The following RAB6B variants were observed in gnomAD, a reference collection of about 807,000 sequenced individuals.
RAB6B encodes RAB6B, member RAS oncogene family.
Under a neutral mutation model 31.2 loss-of-function variants are expected in RAB6B, and 7 were observed. That is an observed-to-expected ratio of 0.22 (90% confidence interval 0.13 to 0.42). The LOEUF is 0.42. Ranked by LOEUF, RAB6B falls within the 10% of genes least tolerant of loss-of-function variation. The pLI, the probability that RAB6B is intolerant of heterozygous loss-of-function variation, is 1.00. For synonymous variants in RAB6B, 105 were observed against 104.9 expected, an observed-to-expected ratio of 1.00 and a Z score of -0.01; for missense variants, 149 against 280.6, an observed-to-expected ratio of 0.53 and a Z score of 3.35.
chr3:133,892,614 G>A (rs1482571295), intron 1 of RAB6B, among the ~76,000 whole-genome samples: 1 of 152,144 alleles, frequency 6.6e-6, no homozygotes, highest in Non-Finnish European at 1.5e-5. Context: ...ATAAGATAAA[G>A]CCACATCCCT....
chr3:133,864,274 C>T (rs1936205105), intron 2 of RAB6B, among the ~76,000 whole-genome samples: 1 of 152,154 alleles, frequency 6.6e-6, no homozygotes, highest in African/African-American at 2.4e-5. Flanking sequence ...GTTCCTCTTC[C>T]ACATGATGAC....
rs1363767980 is a variant in RAB6B, at chr3:133,827,969, G to A, written c.*819C>T. ...TCTATAAACCACGCACCACGCAGCT[G>A]CAATTGCCAACAGCACCTCGTCCTT... On this transcript the variant is annotated 3_prime_UTR_variant, in exon 8 of 8. Coordinates refer to ENST00000285208, the MANE Select transcript of RAB6B (RefSeq NM_016577.4). 1 of 702,934 alleles carries A rather than the reference G, an allele frequency of 1.4e-6. No homozygotes were observed. Among genetic ancestry groups the A allele is most frequent in the African/African-American group, 1.7e-5 (1 of 57,364 alleles). The allele number at this position is 702,934 out of a possible 1,614,324, so 43.5% of individuals were successfully genotyped here.
At chr3:133,887,892 C>T (rs982800373) in intron 1 of RAB6B, among the ~76,000 whole-genome samples, 1 of 152,160 alleles carries the variant, frequency 6.6e-6, no homozygotes, top group Non-Finnish European at 1.5e-5. Context: ...TTAGCTGCCC[C>T]CATAGGCTCT....
In RAB6B at chr3:133,824,986, A is replaced by C. The variant is rs528972080; in HGVS notation, c.*3802T>G. 6.6e-6 allele frequency: 1 copy of C among 152,238 alleles called. No individual in the cohort carries two copies. The highest frequency in any genetic ancestry group is 2.4e-5 in the African/African-American group (1 of 41,536). The allele number at this position is 152,238 out of a possible 1,614,324, so 9.4% of individuals were successfully genotyped here. ...GGTTTTCCTGCCTGTAGACAGGAAA[A>C]GTTGTGACAGCTCTGCTTCACATAG... On this transcript the variant is annotated 3_prime_UTR_variant, in exon 8 of 8. Transcript: ENST00000285208.
intron 2 of RAB6B, among the ~76,000 whole-genome samples, chr3:133,853,352 G>A (rs868805235): frequency 2.6e-4 from 39 of 152,066 alleles, no homozygotes; most frequent in Non-Finnish European, 5.6e-4. Flanking sequence ...TAGGGAGGGA[G>A]TCATTTCTTC....
Position 133,825,578 on chromosome 3 carries a change from G to C in RAB6B, c.*3210C>G, listed in dbSNP as rs1935547968. ...CTGCAGCCATGGTGCTCATGATTCT[G>C]ATGTCACACCTTCATGTTGATGTAT... On this transcript the variant is annotated 3_prime_UTR_variant, in exon 8 of 8. Transcript: ENST00000285208. 2 of 152,232 alleles carry C rather than the reference G, an allele frequency of 1.3e-5. No homozygotes were observed. Among genetic ancestry groups the C allele is most frequent in the Non-Finnish European group, 2.9e-5 (2 of 68,056 alleles). 9.4% of individuals were successfully genotyped at this position (152,232 alleles called of 1,614,324 possible).
At chr3:133,855,288 C>A (rs956247179) in intron 2 of RAB6B, among the ~76,000 whole-genome samples, 4 of 152,240 alleles carry the variant, frequency 2.6e-5, no homozygotes, top group South Asian at 2.1e-4. Flanking sequence ...CGCAGTAATG[C>A]GCCCTGGGGG....
intron 2 of RAB6B, among the ~76,000 whole-genome samples, chr3:133,859,158 T>G (rs1313767861): frequency 4.6e-5 from 7 of 152,122 alleles, no homozygotes; most frequent in Non-Finnish European, 1.0e-4. Context: ...TTTAAAAAAT[T>G]TATAATAACA....
rs1011510077 is a variant in RAB6B, at chr3:133,848,780, C to T, written c.130-7117G>A. Among the ~76,000 whole-genome samples, 10 of 151,908 alleles carry T rather than the reference C, an allele frequency of 6.6e-5. No homozygotes were observed. In the South Asian group the frequency reaches 1.5e-3, roughly 22 times the overall value. ...TTTTTTTTTTTTTAAAGCAGCTGCA[C>T]CTTCTAGGATCACCTCTTAATACCG... On this transcript the variant is annotated intron_variant, in intron 2 of 7. Coordinates refer to ENST00000285208, the MANE Select transcript of RAB6B (RefSeq NM_016577.4).
Position 133,881,767 on chromosome 3 carries a change from G to C in RAB6B, c.70+13630C>G, listed in dbSNP as rs369550220. On this transcript the variant is annotated intron_variant, in intron 1 of 7. Transcript: ENST00000285208. ...ATGAGTGCTTCACAGGTTGGACCAG[G>C]CTGGCTACTTAACCTGACAGGTCTC... is the stretch of plus-strand genomic sequence containing the variant. Among the ~76,000 whole-genome samples the C allele has an allele frequency of 5.1e-4, 78 of 152,282 alleles. No individual in the cohort carries two copies. The South Asian group carries it at 9.1e-3, about 18-fold the overall frequency.
At chr3:133,837,284 C>A (rs1935751315) in intron 6 of RAB6B, among the ~76,000 whole-genome samples, 2 of 152,168 alleles carry the variant, frequency 1.3e-5, no homozygotes, top group African/African-American at 4.8e-5. Context: ...ATAAAGGGGA[C>A]TACTGAGTAC....
In RAB6B at chr3:133,876,918, C is replaced by T. The variant is rs371183825; in HGVS notation, c.71-12276G>A. 4.1e-4 allele frequency among the ~76,000 whole-genome samples: 62 copies of T among 152,248 alleles called. 1 individual carries two copies. Among genetic ancestry groups the T allele is most frequent in the African/African-American group, 1.4e-3 (58 of 41,552 alleles). On this transcript the variant is annotated intron_variant, in intron 1 of 7. Coordinates refer to ENST00000285208, the MANE Select transcript of RAB6B (RefSeq NM_016577.4). The stretch of plus-strand genomic sequence containing the variant: ...AATACACACACAAAAAAAAAAGGTC[C>T]CAAGACTTTAGCTCTGGTCAAAATG...
At chr3:133,844,936 C>T (rs1935885673) in intron 2 of RAB6B, among the ~76,000 whole-genome samples, 1 of 107,110 alleles carries the variant, frequency 9.3e-6, no homozygotes, top group Non-Finnish European at 2.2e-5. Context: ...GAGCAAGACC[C>T]TGGCTCAAAA....
intron 1 of RAB6B, among the ~76,000 whole-genome samples, chr3:133,888,821 G>C (rs1256556853): frequency 6.6e-6 from 1 of 152,076 alleles, no homozygotes. Context: ...CTTGTTCTAG[G>C]AAACAAAGAC....
chr3:133,853,253 A>C (rs1395401869), intron 2 of RAB6B, among the ~76,000 whole-genome samples: 2 of 152,128 alleles, frequency 1.3e-5, no homozygotes, highest in Non-Finnish European at 2.9e-5. Flanking sequence ...GTGAGCAGAC[A>C]CGTGGATGAG....
At position 133,853,203 on chromosome 3, in the gene RAB6B, G is replaced by A. The variant is rs978061497; in HGVS notation, c.129+11381C>T. Among the ~76,000 whole-genome samples, 4 of 152,148 alleles carry A rather than the reference G, an allele frequency of 2.6e-5. No homozygotes were observed. In the East Asian group the frequency reaches 7.7e-4, roughly 29 times the overall value. ...CATTTCATCTCAAAGGTCACCACAG[G>A]CCACAGTGTGTACTGATGGGAAGGT... On this transcript the variant is annotated intron_variant, in intron 2 of 7. Coordinates refer to ENST00000285208, the MANE Select transcript of RAB6B (RefSeq NM_016577.4).
chr3:133,868,218 C>A (rs539375322), intron 1 of RAB6B, among the ~76,000 whole-genome samples: 1 of 152,160 alleles, frequency 6.6e-6, no homozygotes, highest in Admixed American at 6.5e-5. Context: ...AACAACTGCC[C>A]GGGGTGGAAG....
At chr3:133,876,394 C>T (rs983462088) in intron 1 of RAB6B, among the ~76,000 whole-genome samples, 1 of 152,198 alleles carries the variant, frequency 6.6e-6, no homozygotes, top group African/African-American at 2.4e-5. Flanking sequence ...CTATGAACTT[C>T]CCAATCATTC....
At chr3:133,838,624 C>T (rs1291379587) in intron 5 of RAB6B, among the ~76,000 whole-genome samples, 2 of 152,168 alleles carry the variant, frequency 1.3e-5, no homozygotes, top group African/African-American at 2.4e-5. Flanking sequence ...TATTATCAGT[C>T]GCATTTTCCC....
Sources: allele counts gnomAD v4.1 joint callset (sites outside exome capture counted in the v4.1 genomes callset), GRCh38; gene constraint gnomAD v4.1.1; transcripts MANE v1.5; gene names NCBI Gene and HGNC (gene_info 2026-07-23, HGNC 2026-07-21).